The following SMAD9 variants were observed in gnomAD, a reference collection of about 807,000 sequenced individuals.
SMAD9 encodes the protein SMAD family member 9.
SMAD9 carries 36 observed loss-of-function variants against 46.1 expected under a neutral mutation model. That is an observed-to-expected ratio of 0.78 (90% CI 0.60 to 1.03). SMAD9 has a LOEUF of 1.03. Ranked by LOEUF, SMAD9 falls within the 50% of genes least tolerant of loss-of-function variation. The probability of loss-of-function intolerance (pLI) is 0.00; values close to 1 mark genes in which losing one functional copy is unlikely to be tolerated. For missense variants in SMAD9, 572 were observed against 599.8 expected, an observed-to-expected ratio of 0.95 and a Z score of 0.48; for synonymous variants, 245 against 237.1, an observed-to-expected ratio of 1.03 and a Z score of -0.31.
chr13:36,918,271 C>A (rs1198357939), intron 1 of SMAD9, among the ~76,000 whole-genome samples: 1 of 152,172 alleles, frequency 6.6e-6, no homozygotes, highest in African/African-American at 2.4e-5. Flanking sequence ...AATTTGTTTA[C>A]GTCTTTGATT....
intron 1 of SMAD9, among the ~76,000 whole-genome samples, chr13:36,912,329 G>A (rs778699489): frequency 2.0e-5 from 3 of 152,238 alleles, no homozygotes; most frequent in Admixed American, 6.5e-5. Context: ...AACATATTTA[G>A]GGAAGTGAAA....
intron 5 of SMAD9, among the ~76,000 whole-genome samples, chr13:36,864,573 G>T (rs586424): frequency 1 from 152,032 of 152,324 alleles, 75,871 homozygotes; most frequent in Middle Eastern, 1. Flanking sequence ...TCTCGTAAGT[G>T]GCCTCAAAGC....
intron 1 of SMAD9, among the ~76,000 whole-genome samples, chr13:36,917,903 G>A (rs1010313542): frequency 6.6e-6 from 1 of 152,106 alleles, no homozygotes; most frequent in Non-Finnish European, 1.5e-5. Context: ...AACATATTGA[G>A]TATTTTCATA....
At chr13:36,873,162 A>C (rs947363009) in intron 2 of SMAD9, among the ~76,000 whole-genome samples, 5 of 152,152 alleles carry the variant, frequency 3.3e-5, no homozygotes, top group African/African-American at 1.2e-4. Flanking sequence ...TCTTAAGCAG[A>C]ATGTCATAAT....
At chr13:36,856,084 C>T (rs1163658682) in intron 5 of SMAD9, among the ~76,000 whole-genome samples, 1 of 152,126 alleles carries the variant, frequency 6.6e-6, no homozygotes, top group African/African-American at 2.4e-5. Flanking sequence ...GGGAGAGTTA[C>T]TTGGCTGGAC....
At chr13:36,851,727 T>C in intron 6 of SMAD9, 1 of 976,308 alleles carries the variant, frequency 1.0e-6, no homozygotes, top group South Asian at 4.7e-5. Context: ...ATCTCAAATG[T>C]TAAAAAAAAA....
At chr13:36,910,121 G>T in intron 1 of SMAD9, among the ~76,000 whole-genome samples, 1 of 152,028 alleles carries the variant, frequency 6.6e-6, no homozygotes, top group East Asian at 1.9e-4. Context: ...GGCATGAACC[G>T]GGGAGGCAGA....
In SMAD9 at chr13:36,844,951, T is replaced by G. The variant is rs950039030; in HGVS notation, c.*3725A>C. The stretch of plus-strand genomic sequence containing the variant: ...GACTTCACTCAAATAGACAGTTTCT[T>G]TGTTGTTGTTAATCTGTTTTACATT... On this transcript the variant is annotated 3_prime_UTR_variant, in exon 7 of 7. Coordinates refer to ENST00000379826, the MANE Select transcript of SMAD9 (RefSeq NM_001127217.3). The G allele has an allele frequency of 1.3e-5, 2 of 152,182 alleles. No homozygotes were observed. The allele number at this position is 152,182 out of a possible 1,614,324, so 9.4% of individuals were successfully genotyped here. A position where few individuals can be genotyped will look rare whatever the true frequency, so the allele number is the denominator to read the frequency against.
chr13:36,906,942 G>A (rs926374860), intron 1 of SMAD9, among the ~76,000 whole-genome samples: 3 of 152,094 alleles, frequency 2.0e-5, no homozygotes, highest in African/African-American at 7.2e-5. Flanking sequence ...GGTACTCAAT[G>A]TTCATAGCAT....
chr13:36,876,999 T>C (rs1304260712), intron 2 of SMAD9, among the ~76,000 whole-genome samples: 2 of 152,200 alleles, frequency 1.3e-5, no homozygotes, highest in Non-Finnish European at 2.9e-5. Context: ...ACCTAAATTA[T>C]GATAAAATGA....
intron 2 of SMAD9, among the ~76,000 whole-genome samples, 168 bp downstream of exon 2, chr13:36,879,110 G>A (rs1056688753): frequency 1.3e-5 from 2 of 151,866 alleles, no homozygotes; most frequent in Admixed American, 6.6e-5. Context: ...GCCTCATTCC[G>A]GGAAACAAAA....
At chr13:36,904,661 G>A (rs2058603945) in intron 1 of SMAD9, among the ~76,000 whole-genome samples, 1 of 152,144 alleles carries the variant, frequency 6.6e-6, no homozygotes. Flanking sequence ...AGGACTCTGT[G>A]ACTCCCCCAA....
At chr13:36,900,948 C>T (rs1172788084) in intron 1 of SMAD9, among the ~76,000 whole-genome samples, 3 of 152,206 alleles carry the variant, frequency 2.0e-5, no homozygotes, top group Non-Finnish European at 2.9e-5. Flanking sequence ...CCCTCCCCAT[C>T]GACCCTGGCA....
intron 6 of SMAD9, among the ~76,000 whole-genome samples, chr13:36,851,012 CT>C (rs1566329876): frequency 2.0e-5 from 3 of 152,324 alleles, no homozygotes; most frequent in African/African-American, 7.2e-5. Context: ...CTGACTATTA[CT>C]ATAGCCTCCT....
At position 36,848,038 on chromosome 13, in the gene SMAD9, T is replaced by C. The variant is rs930586062; in HGVS notation, c.*638A>G. On this transcript the variant is annotated 3_prime_UTR_variant, in exon 7 of 7. Transcript: ENST00000379826. ...TTTACAGTGGTAGACTGAGGGAACA[T>C]GACTTTTGGCTTCACAGTTTTTTTT... is the stretch of plus-strand genomic sequence containing the variant. 2 of 152,586 alleles carry C rather than the reference T, an allele frequency of 1.3e-5. No individual in the cohort carries two copies. The highest frequency in any genetic ancestry group is 4.8e-5 in the African/African-American group (2 of 41,458). The allele number at this position is 152,586 out of a possible 1,614,324, so 9.5% of individuals were successfully genotyped here.
intron 1 of SMAD9, among the ~76,000 whole-genome samples, chr13:36,919,046 GGT>G (rs1199422360): frequency 6.6e-6 from 1 of 152,050 alleles, no homozygotes; most frequent in African/African-American, 2.4e-5. Flanking sequence ...GTGCCCTGTG[GGT>G]GTGTTTCTCA....
At chr13:36,885,110 A>G (rs1473653064) in intron 1 of SMAD9, among the ~76,000 whole-genome samples, 36 of 152,252 alleles carry the variant, frequency 2.4e-4, no homozygotes, top group Non-Finnish European at 1.5e-5. Context: ...CAATTTAGAA[A>G]GTGAACACAT....
In SMAD9 at chr13:36,865,876, G is replaced by C. The variant is rs570566122; in HGVS notation, c.782-118C>G. 28 of 816,000 alleles carry C rather than the reference G, an allele frequency of 3.4e-5. No homozygotes were observed. The Admixed American group carries it at 4.1e-4, about 12-fold the overall frequency. The allele number at this position is 816,000 out of a possible 1,614,324, so 50.5% of individuals were successfully genotyped here. On this transcript the variant is annotated intron_variant, in intron 4 of 6. Transcript: ENST00000379826. Reference sequence around the variant, plus strand: ...ACCAGAAAGTCGGCTGCAAGACCAAGCATGCCGCTCTGCAATCTTTTAGAA... The same window carrying C: ...ACCAGAAAGTCGGCTGCAAGACCAACCATGCCGCTCTGCAATCTTTTAGAA...
At chr13:36,891,443 T>C (rs915392075) in intron 1 of SMAD9, among the ~76,000 whole-genome samples, 16 of 152,188 alleles carry the variant, frequency 1.1e-4, no homozygotes, top group African/African-American at 3.9e-4. Context: ...TAATAAAATA[T>C]TGGGGAGGTG....
Sources: allele counts gnomAD v4.1 joint callset (sites outside exome capture counted in the v4.1 genomes callset), GRCh38; gene constraint gnomAD v4.1.1; transcripts MANE v1.5; gene names NCBI Gene and HGNC (gene_info 2026-07-23, HGNC 2026-07-21).